SDK1: variants seen among roughly 807,000 people sequenced by gnomAD.
SDK1 encodes sidekick cell adhesion molecule 1.
A neutral mutation model predicts 245.5 loss-of-function variants in SDK1; 157 were observed. The observed-to-expected ratio is 0.64, with a 90% confidence interval of 0.56 to 0.73. The LOEUF (loss-of-function observed/expected upper bound fraction) is 0.73. Ranked by LOEUF, SDK1 falls within the 30% of genes least tolerant of loss-of-function variation. SDK1 has a pLI of 0.00. For synonymous variants in SDK1, 1,647 were observed against 1,278.5 expected (o/e 1.29, Z -6.15); for missense variants, 3,583 against 3,002.3 (o/e 1.19, Z -4.52).
intron 17 of SDK1, among the ~76,000 whole-genome samples, chr7:4,048,636 A>G (rs1320434890): frequency 1.3e-5 from 2 of 152,136 alleles, no homozygotes; most frequent in African/African-American, 4.8e-5. Flanking sequence ...AGTCCAGATG[A>G]GGCCCTCCAG....
intron 4 of SDK1, among the ~76,000 whole-genome samples, chr7:3,702,067 G>T (rs1034635258): frequency 6.6e-6 from 1 of 152,068 alleles, no homozygotes; most frequent in African/African-American, 2.4e-5. Context: ...AACCTCTGGG[G>T]TTTAGAACTT....
At position 3,987,216 on chromosome 7, in the gene SDK1, G is replaced by T; in HGVS notation, c.2025G>T (p.Leu675=). 1 of 1,614,024 alleles carries T rather than the reference G, an allele frequency of 6.2e-7. No homozygotes were observed. Among genetic ancestry groups the T allele is most frequent in the Non-Finnish European group, 8.5e-7 (1 of 1,179,976 alleles). The change falls in exon 14 of 45, where the codon CTG becomes CTT. Residue 675 remains leucine, a synonymous_variant. Coordinates refer to ENST00000404826, the MANE Select transcript of SDK1 (RefSeq NM_152744.4). ...TGCCTCATTCACCTCAGAACCTCCT[G>T]GTCAGCCCTAATTCTTCCCACAGCC... The part of the protein sequence containing the change: ...IELPHSPQNL[L]VSPNSSHSHA...
intron 19 of SDK1, 125 bp downstream of exon 19, chr7:4,051,955 C>T: frequency 1.3e-6 from 1 of 775,734 alleles, no homozygotes; most frequent in South Asian, 1.9e-5. Flanking sequence ...GGAGTGCTTG[C>T]AGTCAGCTCA....
intron 4 of SDK1, among the ~76,000 whole-genome samples, chr7:3,743,410 T>G (rs1444941085): frequency 6.6e-6 from 1 of 152,178 alleles, no homozygotes; most frequent in Admixed American, 6.5e-5. Context: ...TTACCTCTTT[T>G]CTCATGTAGG....
chr7:4,231,381 C>T (rs1237588317), intron 40 of SDK1, among the ~76,000 whole-genome samples: 1 of 150,328 alleles, frequency 6.7e-6, no homozygotes, highest in Non-Finnish European at 1.5e-5. Context: ...CTGGGCAACA[C>T]AGGGAGACCC....
chr7:3,345,944 C>A (rs529526622), intron 1 of SDK1, among the ~76,000 whole-genome samples: 7 of 152,118 alleles, frequency 4.6e-5, no homozygotes, highest in Non-Finnish European at 8.8e-5. Flanking sequence ...TGCAGTTATT[C>A]GGTTCTTGTT....
At chr7:4,053,916 TTGG>T (rs1779039144) in intron 19 of SDK1, among the ~76,000 whole-genome samples, 2 of 151,942 alleles carry the variant, frequency 1.3e-5, no homozygotes, top group African/African-American at 2.4e-5. Context: ...TTTGTTGTTG[TTGG>T]TGGTGGTGGT....
At chr7:3,589,422 C>A (rs1294104889) in intron 1 of SDK1, among the ~76,000 whole-genome samples, 1 of 152,236 alleles carries the variant, frequency 6.6e-6, no homozygotes, top group African/African-American at 2.4e-5. Flanking sequence ...CCAGCACCAC[C>A]TCCATGGCGC....
chr7:3,587,300 CGTGTGT>C (rs10523052), intron 1 of SDK1, among the ~76,000 whole-genome samples: 415 of 149,092 alleles, frequency 2.8e-3, no homozygotes, highest in Admixed American at 7.9e-3. Context: ...AGAAACAGAA[CGTGTGT>C]GTGTGTGTGT....
intron 4 of SDK1, among the ~76,000 whole-genome samples, chr7:3,702,544 C>T (rs1000520572): frequency 6.6e-6 from 1 of 152,146 alleles, no homozygotes; most frequent in Non-Finnish European, 1.5e-5. Flanking sequence ...GTCTTCTGCC[C>T]CAAACTGCTT....
At position 3,457,858 on chromosome 7, in the gene SDK1, G is replaced by A. The variant is rs540187803; in HGVS notation, c.298+155974G>A. Among the ~76,000 whole-genome samples, 175 of 152,180 alleles carry A rather than the reference G, an allele frequency of 1.1e-3. 2 individuals are homozygous for A. Among genetic ancestry groups the A allele is most frequent in the African/African-American group, 4.0e-3 (167 of 41,532 alleles). On this transcript the variant is annotated intron_variant, in intron 1 of 44. Transcript: ENST00000404826. ...CTCTTTCTGGTTTTACTTGTTTATTGGAGCACACCTTCTGGGAGTTTCCTG... is the reference window on the plus strand; with the variant it reads ...CTCTTTCTGGTTTTACTTGTTTATTAGAGCACACCTTCTGGGAGTTTCCTG...
At chr7:3,427,557 T>TAAG (rs1206440955) in intron 1 of SDK1, among the ~76,000 whole-genome samples, 22 of 151,754 alleles carry the variant, frequency 1.4e-4, no homozygotes, top group African/African-American at 5.1e-4. Flanking sequence ...GAATTGAGAA[T>TAAG]TAAAAACTTA....
chr7:3,579,845 TA>T (rs903437743), intron 1 of SDK1, among the ~76,000 whole-genome samples: 2 of 152,138 alleles, frequency 1.3e-5, no homozygotes, highest in East Asian at 1.9e-4. Flanking sequence ...TGATTCTACA[TA>T]AAAAAACTGG....
intron 35 of SDK1, among the ~76,000 whole-genome samples, chr7:4,200,745 C>T (rs1783837046): frequency 6.6e-6 from 1 of 152,196 alleles, no homozygotes; most frequent in Non-Finnish European, 1.5e-5. Flanking sequence ...CACAGCAGTG[C>T]CACATTCTAG....
intron 4 of SDK1, among the ~76,000 whole-genome samples, chr7:3,782,023 C>G (rs1344731644): frequency 6.6e-6 from 1 of 152,162 alleles, no homozygotes; most frequent in Non-Finnish European, 1.5e-5. Flanking sequence ...GAAAACTTTT[C>G]TAATATAGGA....
At chr7:3,798,217 T>TG in intron 4 of SDK1, among the ~76,000 whole-genome samples, 1 of 142,320 alleles carries the variant, frequency 7.0e-6, no homozygotes, top group East Asian at 2.1e-4. Flanking sequence ...CACTCTTTTT[T>TG]TTTTTTTTTT....
At chr7:3,991,645 C>G (rs1033972351) in intron 14 of SDK1, among the ~76,000 whole-genome samples, 1 of 152,230 alleles carries the variant, frequency 6.6e-6, no homozygotes, top group African/African-American at 2.4e-5. Flanking sequence ...TCTCCTGAAG[C>G]TGGCCGACGT....
At chr7:4,149,509 C>A in intron 30 of SDK1, 46 bp downstream of exon 30, 1 of 1,312,712 alleles carries the variant, frequency 7.6e-7, no homozygotes, top group East Asian at 3.0e-5. Flanking sequence ...GGGCCCTGGC[C>A]GCCTCCAGCC....
rs527390242 is a variant in SDK1 at position 3,979,373 on chromosome 7, A to G, written c.1994+4828A>G. Among the ~76,000 whole-genome samples the G allele has an allele frequency of 2.0e-4, 30 of 152,246 alleles. No individual in the cohort carries two copies. The South Asian group carries it at 5.8e-3, about 30-fold the overall frequency. ...CAGCACCCTGCCTCCTGGGGCTGGG[A>G]ACTTTCTAGCCCTTTACCCTGCATT... On this transcript the variant is annotated intron_variant, in intron 13 of 44. Coordinates refer to ENST00000404826, the MANE Select transcript of SDK1 (RefSeq NM_152744.4).
Sources: allele counts gnomAD v4.1 joint callset (sites outside exome capture counted in the v4.1 genomes callset), GRCh38; gene constraint gnomAD v4.1.1; transcripts MANE v1.5; gene names NCBI Gene and HGNC (gene_info 2026-07-23, HGNC 2026-07-21).